Variants in SEMA6D observed in about 807,000 individuals in gnomAD.
SEMA6D encodes the protein semaphorin 6D, also known as semaphorin-6D.
SEMA6D carries 35 observed loss-of-function variants against 106.6 expected under a neutral mutation model. The observed-to-expected ratio is 0.33, with a 90% CI of 0.25 to 0.44. SEMA6D has a LOEUF of 0.44. Among genes scored for constraint, SEMA6D ranks in the 20% least tolerant of loss-of-function variants. The pLI, the probability that SEMA6D is intolerant of heterozygous loss-of-function variation, is 1.00. For missense variants in SEMA6D, 1,185 were observed against 1,345.9 expected, an observed-to-expected ratio of 0.88 and a Z score of 1.87; for synonymous variants, 499 against 487.7, an observed-to-expected ratio of 1.02 and a Z score of -0.31.
chr15:47,764,828 A>G, intron 12 of SEMA6D, 35 bp downstream of exon 12: 1 of 1,613,174 alleles, frequency 6.2e-7, no homozygotes. Context: ...TTCCTATTCA[A>G]CGTTTTCTCT....
At chr15:47,576,321 G>A (rs1357996206) in intron 3 of SEMA6D, among the ~76,000 whole-genome samples, 1 of 152,184 alleles carries the variant, frequency 6.6e-6, no homozygotes, top group Non-Finnish European at 1.5e-5. Flanking sequence ...AGGTAAAGGA[G>A]GCCAAGGAAA....
intron 1 of SEMA6D, among the ~76,000 whole-genome samples, chr15:47,342,803 C>G (rs909053589): frequency 6.6e-6 from 1 of 152,128 alleles, no homozygotes; most frequent in Non-Finnish European, 1.5e-5. Flanking sequence ...ATCTGCCTCC[C>G]AGGTTCAAGT....
chr15:47,567,930 C>T lies in SEMA6D; in HGVS notation c.-86-32935C>T, dbSNP rs75451318. Among the ~76,000 whole-genome samples, 772 of 152,150 alleles carry T rather than the reference C, an allele frequency of 5.1e-3. 3 individuals are homozygous for T. Among genetic ancestry groups the T allele is most frequent in the African/African-American group, 0.017 (711 of 41,500 alleles). ...AAATTTAAATAGGTGATGCCGAGAG[C>T]GAGAAACCCACATGGCCAATAAACA... On this transcript the variant is annotated intron_variant, in intron 3 of 19. Transcript: ENST00000558014.
At chr15:47,373,358 A>G (rs778256038) in intron 1 of SEMA6D, among the ~76,000 whole-genome samples, 19 of 152,254 alleles carry the variant, frequency 1.2e-4, no homozygotes, top group Non-Finnish European at 2.5e-4. Flanking sequence ...GACAGAAGCC[A>G]TAGATAACTA....
chr15:47,477,662 C>T (rs949961797), intron 3 of SEMA6D, among the ~76,000 whole-genome samples: 1 of 151,994 alleles, frequency 6.6e-6, no homozygotes, highest in South Asian at 2.1e-4. Flanking sequence ...TGATTTTTTG[C>T]CAATTTTTTT....
chr15:47,501,786 C>CTT (rs2043855946), intron 3 of SEMA6D, among the ~76,000 whole-genome samples: 1 of 152,196 alleles, frequency 6.6e-6, no homozygotes, highest in African/African-American at 2.4e-5. Context: ...AATTAGCAAG[C>CTT]TGTCCATAAA....
chr15:47,408,291 G>A (rs773523651), intron 1 of SEMA6D, among the ~76,000 whole-genome samples: 20 of 152,054 alleles, frequency 1.3e-4, no homozygotes, highest in Non-Finnish European at 2.4e-4. Flanking sequence ...TGTAAATGGG[G>A]CATAATAATG....
chr15:47,539,796 AG>A (rs1356012981), intron 3 of SEMA6D, among the ~76,000 whole-genome samples: 2 of 152,180 alleles, frequency 1.3e-5, no homozygotes, highest in Admixed American at 1.3e-4. Flanking sequence ...ACAACTGCAA[AG>A]AAATATAGCC....
intron 1 of SEMA6D, among the ~76,000 whole-genome samples, chr15:47,404,385 T>C (rs2040493570): frequency 6.6e-6 from 1 of 152,146 alleles, no homozygotes; most frequent in Non-Finnish European, 1.5e-5. Flanking sequence ...TCTCCTCATT[T>C]TATCAAAGAG....
At chr15:47,521,133 C>T (rs1289912007) in intron 3 of SEMA6D, among the ~76,000 whole-genome samples, 5 of 152,110 alleles carry the variant, frequency 3.3e-5, no homozygotes, top group South Asian at 2.1e-4. Context: ...CTTGAGGAGA[C>T]GTGGGTCAAC....
At chr15:47,257,472 A>G (rs543724578) in intron 1 of SEMA6D, among the ~76,000 whole-genome samples, 12 of 152,332 alleles carry the variant, frequency 7.9e-5, no homozygotes, top group African/African-American at 2.9e-4. Flanking sequence ...TAAGATACAT[A>G]TCACATATTT....
intron 3 of SEMA6D, among the ~76,000 whole-genome samples, chr15:47,505,476 A>ACTG (rs2044008588): frequency 2.6e-5 from 4 of 152,198 alleles, no homozygotes; most frequent in Non-Finnish European, 5.9e-5. Flanking sequence ...ACTGATAAAG[A>ACTG]ACATTTGGGG....
At chr15:47,316,384 A>T (rs944276910) in intron 1 of SEMA6D, among the ~76,000 whole-genome samples, 7 of 151,960 alleles carry the variant, frequency 4.6e-5, no homozygotes, top group Non-Finnish European at 7.4e-5. Context: ...GAGCCACTGC[A>T]ACTGGCCTCC....
At chr15:47,665,166 A>G (rs1566970722) in intron 4 of SEMA6D, among the ~76,000 whole-genome samples, 1 of 152,298 alleles carries the variant, frequency 6.6e-6, no homozygotes, top group South Asian at 2.1e-4. Context: ...TCTTCAAGTC[A>G]TAGTAGGAAT....
intron 1 of SEMA6D, among the ~76,000 whole-genome samples, chr15:47,190,474 A>T (rs1287674077): frequency 6.6e-6 from 1 of 152,208 alleles, no homozygotes; most frequent in East Asian, 1.9e-4. Context: ...CAATTTGTGT[A>T]TGAAGAATGC....
At chr15:47,351,086 C>T (rs2038307383) in intron 1 of SEMA6D, among the ~76,000 whole-genome samples, 1 of 152,182 alleles carries the variant, frequency 6.6e-6, no homozygotes, top group Non-Finnish European at 1.5e-5. Flanking sequence ...TCTTATCTCT[C>T]ATGAATACCC....
chr15:47,668,873 C>G (rs1250910866), intron 4 of SEMA6D, among the ~76,000 whole-genome samples: 1 of 152,164 alleles, frequency 6.6e-6, no homozygotes, highest in African/African-American at 2.4e-5. Flanking sequence ...ACCCTCAGCC[C>G]TTGTGTACTG....
At chr15:47,262,680 A>G (rs1292762668) in intron 1 of SEMA6D, among the ~76,000 whole-genome samples, 1 of 152,172 alleles carries the variant, frequency 6.6e-6, no homozygotes, top group Non-Finnish European at 1.5e-5. Context: ...CATTCTTCAC[A>G]GAACTGGAGA....
intron 3 of SEMA6D, among the ~76,000 whole-genome samples, chr15:47,568,991 G>A (rs931873446): frequency 5.3e-5 from 8 of 152,064 alleles, no homozygotes; most frequent in African/African-American, 1.9e-4. Context: ...GACCTTTATG[G>A]ACCTCCAAGG....
Sources: gnomAD v4.1 joint callset for allele counts (sites outside exome capture counted in the v4.1 genomes callset) on GRCh38, gnomAD v4.1.1 for gene constraint, MANE v1.5 for transcripts, NCBI Gene and HGNC (gene_info 2026-07-23, HGNC 2026-07-21) for gene names.